The following GNG2 variants were observed in gnomAD, a reference collection of about 807,000 sequenced individuals.
GNG2 encodes guanine nucleotide-binding protein G(I)/G(S)/G(O) subunit gamma-2.
A neutral mutation model predicts 5.5 loss-of-function variants in GNG2; 5 were observed. The ratio of observed to expected loss-of-function variants is 0.91; its 90% CI spans 0.48 to 1.92. The LOEUF (loss-of-function observed/expected upper bound fraction) is 1.92. Ranked by LOEUF, GNG2 falls within the 30% of genes most tolerant of loss-of-function variation. The pLI, the probability that GNG2 is intolerant of heterozygous loss-of-function variation, is 0.01. For synonymous variants in GNG2, 28 were observed against 32.0 expected (o/e 0.88, Z 0.42); for missense variants, 55 against 88.4 (o/e 0.62, Z 1.52).
chr14:51,836,186 T>A (rs1420387267), intron 2 of GNG2, among the ~76,000 whole-genome samples: 2 of 151,856 alleles, frequency 1.3e-5, no homozygotes, highest in Non-Finnish European at 2.9e-5. Context: ...ATGAATCCCA[T>A]TCAGGAAGCG....
rs554988063 is a variant in GNG2, at chr14:51,844,748, C to A, written c.64+16941C>A. On this transcript the variant is annotated intron_variant, in intron 2 of 3. Coordinates refer to the GNG2 transcript ENST00000553432. Reference sequence around the variant, plus strand: ...CCTGCCACAATTTCTTTTTTTGAGGCAGAGTCTCACACTGTCACCCAGGCT... The same window carrying A: ...CCTGCCACAATTTCTTTTTTTGAGGAAGAGTCTCACACTGTCACCCAGGCT... Among the ~76,000 whole-genome samples the A allele has an allele frequency of 5.3e-5, 8 of 152,216 alleles. No individual in the cohort carries two copies. In the South Asian group the frequency reaches 1.7e-3, roughly 32 times the overall value.
chr14:51,913,987 T>C, intron 2 of GNG2: 1 of 492,866 alleles, frequency 2.0e-6, no homozygotes. Context: ...ATGGGAAGAA[T>C]ATCACTAAAA....
At chr14:51,936,038 C>A (rs1259379707) in intron 2 of GNG2, among the ~76,000 whole-genome samples, 1 of 152,032 alleles carries the variant, frequency 6.6e-6, no homozygotes, top group African/African-American at 2.4e-5. Context: ...AATCATCAAG[C>A]CCCATCCTGG....
At chr14:51,916,767 G>C (rs911120660) in intron 2 of GNG2, among the ~76,000 whole-genome samples, 2 of 152,108 alleles carry the variant, frequency 1.3e-5, no homozygotes, top group African/African-American at 4.8e-5. Context: ...TAGTGTGAGG[G>C]TTCCAGGGCC....
At chr14:51,898,557 C>A (rs1417525088) in intron 2 of GNG2, among the ~76,000 whole-genome samples, 1 of 152,182 alleles carries the variant, frequency 6.6e-6, no homozygotes, top group Non-Finnish European at 1.5e-5. Context: ...TGTTAAATAA[C>A]AGCTCCAGCA....
chr14:51,907,842 T>A (rs1321777629), intron 2 of GNG2, among the ~76,000 whole-genome samples: 3 of 152,196 alleles, frequency 2.0e-5, no homozygotes. Flanking sequence ...TAGTTGCTGG[T>A]CTTTACCGAT....
In GNG2 at chr14:51,950,760, A is replaced by T. The variant is rs760453739; in HGVS notation, c.82A>T (p.Ile28Leu). 2 of 1,599,794 alleles carry T rather than the reference A, an allele frequency of 1.3e-6. No individual in the cohort carries two copies. Among genetic ancestry groups the T allele is most frequent in the Middle Eastern group, 1.7e-4 (1 of 6,026 alleles). Reference protein sequence around the residue: ...QLKMEANIDRIKVSKAAADLM... With the variant: ...QLKMEANIDRLKVSKAAADLM... Reference sequence around the variant, plus strand: ...TAAGATGGAAGCCAATATCGACAGGATAAAGGTGAGGATGGTCTAACCCCA... The same window carrying T: ...TAAGATGGAAGCCAATATCGACAGGTTAAAGGTGAGGATGGTCTAACCCCA... Residue 28 changes from isoleucine to leucine, a missense_variant, in exon 3 of 4, where the codon ATA (isoleucine) becomes TTA (leucine). Physicochemically the swap from Ile to Leu is conservative, Grantham distance 5. Coordinates refer to ENST00000556766, the MANE Select transcript of GNG2 (RefSeq NM_053064.5).
chr14:51,955,988 C>T (rs1468633884), intron 3 of GNG2, among the ~76,000 whole-genome samples: 1 of 152,136 alleles, frequency 6.6e-6, no homozygotes, highest in Non-Finnish European at 1.5e-5. Context: ...ATCCTTGGAA[C>T]TAGAGAGAGG....
rs1192889715 is a variant in GNG2 at position 51,941,074 on chromosome 14, T to C, written c.-29-9576T>C. 2.6e-5 allele frequency among the ~76,000 whole-genome samples: 4 copies of C among 151,990 alleles called. No homozygotes were observed. The South Asian group carries it at 6.2e-4, about 24-fold the overall frequency. ...TTGTGTGTATATATACATCATTTAG[T>C]AGTATATAATATAGCATATGTTAGT... On this transcript the variant is annotated intron_variant, in intron 2 of 3. Transcript: ENST00000556766.
chr14:51,864,128 A>G (rs568084475), intron 1 of GNG2, among the ~76,000 whole-genome samples: 2 of 152,344 alleles, frequency 1.3e-5, no homozygotes, highest in East Asian at 1.9e-4. Flanking sequence ...CCCACCAGCA[A>G]TGAACAAGGA....
intron 1 of GNG2, chr14:51,861,497 A>G (rs932613334): frequency 3.3e-5 from 5 of 152,180 alleles, no homozygotes; most frequent in African/African-American, 1.2e-4. Flanking sequence ...TTTTATGTTT[A>G]TATGCATTTT....
intron 2 of GNG2, among the ~76,000 whole-genome samples, chr14:51,945,354 A>C (rs564834175): frequency 6.6e-6 from 1 of 152,350 alleles, no homozygotes; most frequent in South Asian, 2.1e-4. Context: ...ATTCAGCCTT[A>C]AAAAGGAAGG....
At chr14:51,875,152 C>T (rs1188819779) in intron 1 of GNG2, among the ~76,000 whole-genome samples, 1 of 152,152 alleles carries the variant, frequency 6.6e-6, no homozygotes, top group South Asian at 2.1e-4. Flanking sequence ...GTGGATGGCC[C>T]AGGACTGGTA....
At chr14:51,903,879 G>A (rs1594895959) in intron 2 of GNG2, among the ~76,000 whole-genome samples, 1 of 152,308 alleles carries the variant, frequency 6.6e-6, no homozygotes. Context: ...AACCTTTGCT[G>A]CAAATAACAA....
chr14:51,900,995 TA>T, intron 2 of GNG2, among the ~76,000 whole-genome samples: 1 of 152,358 alleles, frequency 6.6e-6, no homozygotes, highest in South Asian at 2.1e-4. Context: ...ATTGACCATC[TA>T]AAATATTTGA....
intron 3 of GNG2, among the ~76,000 whole-genome samples, chr14:51,954,040 G>A (rs748360394): frequency 3.9e-5 from 6 of 152,108 alleles, no homozygotes; most frequent in African/African-American, 7.2e-5. Flanking sequence ...TTAAGCAGGC[G>A]GTGGCCTTAT....
intron 2 of GNG2, among the ~76,000 whole-genome samples, chr14:51,888,245 T>G (rs1056697260): frequency 7.2e-5 from 11 of 152,200 alleles, no homozygotes; most frequent in Non-Finnish European, 1.2e-4. Context: ...TTCTATTGTA[T>G]TGGTATACCA....
chr14:51,906,833 A>G (rs1566678095), intron 2 of GNG2, among the ~76,000 whole-genome samples: 1 of 136,298 alleles, frequency 7.3e-6, no homozygotes, highest in Non-Finnish European at 1.5e-5. Context: ...TCGGCTTACT[A>G]CAAGCTCCGC....
chr14:51,948,578 C>T (rs1888775601), intron 2 of GNG2, among the ~76,000 whole-genome samples: 1 of 152,202 alleles, frequency 6.6e-6, no homozygotes, highest in South Asian at 2.1e-4. Flanking sequence ...CCTATGAAGT[C>T]TTCCTAGGCT....
Sources: allele counts gnomAD v4.1 joint callset (sites outside exome capture counted in the v4.1 genomes callset), GRCh38; gene constraint gnomAD v4.1.1; transcripts MANE v1.5; gene names NCBI Gene and HGNC (gene_info 2026-07-23, HGNC 2026-07-21).